Variants in NOMO1 observed in about 807,000 individuals in gnomAD.
NOMO1 encodes nodal modulator 3.
In NOMO1, 40 loss-of-function variants were observed where a neutral mutation model predicts 133.8. The ratio of observed to expected loss-of-function variants is 0.30; its 90% confidence interval spans 0.23 to 0.39. The LOEUF (loss-of-function observed/expected upper bound fraction) is 0.39. NOMO1 is among the 10% of genes least tolerant of loss of function. The pLI is 1.00. For synonymous variants in NOMO1, 236 were observed against 570.5 expected (o/e 0.41, Z 8.36); for missense variants, 462 against 1,419.9 (o/e 0.33, Z 10.84).
At chr16:14,851,731 C>G (rs989658637) in intron 6 of NOMO1, among the ~76,000 whole-genome samples, 1 of 62,478 alleles carries the variant, frequency 1.6e-5, no homozygotes, top group African/African-American at 3.6e-5. Context: ...CTTGGCAACA[C>G]GTACAGATAA....
intron 6 of NOMO1, among the ~76,000 whole-genome samples, chr16:14,851,458 A>C (rs1963758422): frequency 6.8e-6 from 1 of 146,254 alleles, no homozygotes; most frequent in African/African-American, 2.5e-5. Flanking sequence ...AACTTAAGGC[A>C]AATTAAACAG....
At chr16:14,845,707 C>T (rs1407690377) in intron 4 of NOMO1, among the ~76,000 whole-genome samples, 18 of 151,886 alleles carry the variant, frequency 1.2e-4, no homozygotes, top group Admixed American at 5.2e-4. Flanking sequence ...TTTGCGGTGA[C>T]GGGGAGGCCC....
intron 29 of NOMO1, among the ~76,000 whole-genome samples, chr16:14,892,880 C>T (rs557747875): frequency 8.0e-6 from 1 of 124,770 alleles, no homozygotes; most frequent in East Asian, 2.3e-4. Context: ...CTGCCCTCCG[C>T]GTGATGAGTG....
intron 29 of NOMO1, among the ~76,000 whole-genome samples, chr16:14,891,267 T>G (rs139177034): frequency 0.14 from 18,375 of 134,224 alleles, 1 homozygote; most frequent in Non-Finnish European, 0.16. Flanking sequence ...ATTTGTATTT[T>G]CTGTGAACTA....
chr16:14,870,922 CAG>C (rs1361448601), intron 16 of NOMO1, among the ~76,000 whole-genome samples: 1 of 150,208 alleles, frequency 6.7e-6, no homozygotes, highest in Admixed American at 6.6e-5. Context: ...ACAAAACAAA[CAG>C]AGAAACCTGA....
At chr16:14,888,455 A>G (rs1255861958) in intron 28 of NOMO1, 2 of 153,028 alleles carry the variant, frequency 1.3e-5, no homozygotes, top group African/African-American at 4.9e-5. Context: ...TTCCTCGTCT[A>G]TAAGACGGGG....
chr16:14,881,458 C>T lies in NOMO1; in HGVS notation c.2886-86C>T, dbSNP rs1465866525. 6 of 1,609,698 alleles carry T rather than the reference C, an allele frequency of 3.7e-6. No homozygotes were observed. The East Asian group carries it at 1.1e-4, about 30-fold the overall frequency. On this transcript the variant is annotated intron_variant, in intron 24 of 30. Coordinates refer to ENST00000287667, the MANE Select transcript of NOMO1 (RefSeq NM_014287.4). ...ACAGTTATCCCCTGAACTATTTTGC[C>T]CCATAATTGTTGGTAAACGGGAAAC...
intron 29 of NOMO1, among the ~76,000 whole-genome samples, chr16:14,893,001 C>G (rs1173766634): frequency 2.1e-5 from 3 of 144,920 alleles, no homozygotes; most frequent in African/African-American, 2.5e-5. Context: ...CCATGCCCTG[C>G]TGAGCATTTC....
chr16:14,859,686 G>C (rs1485853069), intron 11 of NOMO1, among the ~76,000 whole-genome samples: 1 of 151,596 alleles, frequency 6.6e-6, no homozygotes, highest in Admixed American at 6.6e-5. Flanking sequence ...TCATAACCTG[G>C]TCTAAAAATA....
intron 1 of NOMO1, among the ~76,000 whole-genome samples, chr16:14,835,378 C>T (rs955232027): frequency 2.0e-5 from 3 of 151,228 alleles, no homozygotes; most frequent in African/African-American, 7.4e-5. Flanking sequence ...TAGGTCTGCA[C>T]TGGGGACAGG....
At chr16:14,844,352 T>C (rs2151893273) in intron 3 of NOMO1, among the ~76,000 whole-genome samples, 1 of 151,784 alleles carries the variant, frequency 6.6e-6, no homozygotes, top group South Asian at 2.1e-4. Flanking sequence ...GGAAATAAAA[T>C]TATTTGGTGC....
At chr16:14,874,922 G>C (rs999309647) in intron 18 of NOMO1, 114 bp from the exon 19 acceptor site, 1 of 802,698 alleles carries the variant, frequency 1.2e-6, no homozygotes, top group East Asian at 2.6e-5. Flanking sequence ...CGCCACTGTG[G>C]TGTCATGATA....
At chr16:14,871,599 A>G in intron 16 of NOMO1, 22 bp from the exon 17 acceptor site, 1 of 1,610,488 alleles carries the variant, frequency 6.2e-7, no homozygotes, top group Non-Finnish European at 8.5e-7. Context: ...TCTGAAAATT[A>G]CTTTTGATTT....
chr16:14,886,990 A>C, intron 28 of NOMO1, 128 bp downstream of exon 28: 1 of 1,342,120 alleles, frequency 7.5e-7, no homozygotes, highest in South Asian at 1.3e-5. Context: ...TCTGAATCAA[A>C]AGAGGTTGGG....
At chr16:14,870,912 A>G (rs1964072315) in intron 16 of NOMO1, among the ~76,000 whole-genome samples, 2 of 150,166 alleles carry the variant, frequency 1.3e-5, no homozygotes, top group Non-Finnish European at 3.0e-5. Flanking sequence ...GAAAGACCAA[A>G]CAAAACAAAC....
chr16:14,874,850 T>TCA (rs1211963845), intron 18 of NOMO1, among the ~76,000 whole-genome samples, 186 bp from the exon 19 acceptor site: 2 of 151,964 alleles, frequency 1.3e-5, no homozygotes, highest in African/African-American at 4.8e-5. Flanking sequence ...ACTGCCACCA[T>TCA]CACTGCGAAG....
chr16:14,866,754 A>C (rs1359179591), intron 15 of NOMO1, 63 bp downstream of exon 15: 2 of 1,609,446 alleles, frequency 1.2e-6, no homozygotes, highest in Non-Finnish European at 1.7e-6. Flanking sequence ...GTCAAGAAAG[A>C]CTAACATCCC....
At chr16:14,839,740 C>G (rs1159023035) in intron 2 of NOMO1, among the ~76,000 whole-genome samples, 2 of 151,434 alleles carry the variant, frequency 1.3e-5, no homozygotes, top group East Asian at 3.9e-4. Flanking sequence ...GATCTACTGA[C>G]TTTTTTTTCT....
intron 12 of NOMO1, among the ~76,000 whole-genome samples, 184 bp from the exon 13 acceptor site, chr16:14,864,401 A>G (rs527860757): frequency 2.0e-4 from 31 of 152,098 alleles, no homozygotes; most frequent in Admixed American, 3.3e-4. Context: ...ATCTGGGTAG[A>G]ACTGTGCTTA....
Sources: gnomAD v4.1 joint callset for allele counts (sites outside exome capture counted in the v4.1 genomes callset) on GRCh38, gnomAD v4.1.1 for gene constraint, MANE v1.5 for transcripts, NCBI Gene and HGNC (gene_info 2026-07-23, HGNC 2026-07-21) for gene names.